TECTA: variants seen among roughly 807,000 people sequenced by gnomAD.
TECTA encodes the protein alpha-tectorin.
In TECTA, 128 loss-of-function variants were observed where a neutral mutation model predicts 216.8. The observed-to-expected ratio is 0.59, with a 90% CI of 0.51 to 0.68. TECTA has a LOEUF of 0.68. TECTA is among the 30% of genes least tolerant of loss of function. The pLI is 0.00. For missense variants in TECTA, 2,551 were observed against 2,786.2 expected (o/e 0.92, Z 1.90); for synonymous variants, 1,089 against 1,117.1 (o/e 0.97, Z 0.50).
chr11:121,119,013 AC>A (rs1203864058), intron 7 of TECTA, among the ~76,000 whole-genome samples: 1 of 89,594 alleles, frequency 1.1e-5, no homozygotes, highest in Non-Finnish European at 3.0e-5. Context: ...ACACACACAC[AC>A]ACACACACAC....
At chr11:121,129,597 T>C in intron 9 of TECTA, 41 bp from the exon 10 acceptor site, 1 of 1,599,826 alleles carries the variant, frequency 6.3e-7, no homozygotes, top group Admixed American at 1.7e-5. Flanking sequence ...GAAAGTGCTC[T>C]GTGTGTCTCT....
At position 121,125,398 on chromosome 11, in the gene TECTA, G is replaced by A; in HGVS notation, c.1300G>A (p.Gly434Arg). ...GISTAVETDF[G>R]LLVTFDGQHY... is the part of the protein sequence containing the mutation. ...ATCTACTGCCGTGGAAACAGATTTTGGGCTCTTAGTGACTTTTGATGGCCA... is the reference window on the plus strand; with the variant it reads ...ATCTACTGCCGTGGAAACAGATTTTAGGCTCTTAGTGACTTTTGATGGCCA... Residue 434 changes from glycine (G) to arginine (R), a missense_variant, in exon 8 of 24, where the codon GGG becomes AGG. Physicochemically the swap from Gly to Arg is moderately radical, Grantham distance 125. Coordinates refer to ENST00000392793, the MANE Select transcript of TECTA (RefSeq NM_005422.4). 1 of 1,614,188 alleles carries A rather than the reference G, an allele frequency of 6.2e-7. No homozygotes were observed. Among genetic ancestry groups the A allele is most frequent in the Non-Finnish European group, 8.5e-7 (1 of 1,180,034 alleles).
At chr11:121,116,593 A>G (rs757103313) in intron 6 of TECTA, among the ~76,000 whole-genome samples, 4 of 152,238 alleles carry the variant, frequency 2.6e-5, no homozygotes, top group Non-Finnish European at 5.9e-5. Flanking sequence ...ATATCCTTAT[A>G]TAGACTGCTA....
intron 7 of TECTA, among the ~76,000 whole-genome samples, chr11:121,122,001 G>A (rs921954576): frequency 1.3e-5 from 2 of 152,136 alleles, no homozygotes; most frequent in Non-Finnish European, 2.9e-5. Flanking sequence ...AGGTCACCTA[G>A]TAAGAGTTGG....
intron 7 of TECTA, 47 bp from the exon 8 acceptor site, chr11:121,125,255 G>A (rs1371272339): frequency 6.3e-7 from 1 of 1,585,688 alleles, no homozygotes; most frequent in Admixed American, 1.7e-5. Flanking sequence ...GGAACCCAGT[G>A]CCTGGGCACC....
intron 20 of TECTA, among the ~76,000 whole-genome samples, chr11:121,179,858 T>C (rs1240534261): frequency 6.6e-6 from 1 of 152,164 alleles, no homozygotes; most frequent in Non-Finnish European, 1.5e-5. Flanking sequence ...CTTTTGGTTT[T>C]GATTGTCACA....
At chr11:121,138,633 A>G (rs531655919) in intron 11 of TECTA, among the ~76,000 whole-genome samples, 62 of 152,096 alleles carry the variant, frequency 4.1e-4, no homozygotes, top group African/African-American at 1.4e-3. Flanking sequence ...CCTCTTTCTA[A>G]GCTTCCCACC....
intron 20 of TECTA, among the ~76,000 whole-genome samples, chr11:121,170,910 GC>G (rs1368864871): frequency 6.6e-6 from 1 of 152,048 alleles, no homozygotes; most frequent in Non-Finnish European, 1.5e-5. Context: ...TGATATCTTT[GC>G]TGTGTAGAGA....
intron 20 of TECTA, among the ~76,000 whole-genome samples, chr11:121,178,993 A>T (rs1383639129): frequency 6.6e-6 from 1 of 152,142 alleles, no homozygotes; most frequent in East Asian, 1.9e-4. Flanking sequence ...CCCTTAAGTT[A>T]GTCTAACTGG....
At chr11:121,108,270 C>T (rs1387906993) in intron 3 of TECTA, among the ~76,000 whole-genome samples, 1 of 151,812 alleles carries the variant, frequency 6.6e-6, no homozygotes, top group South Asian at 2.1e-4. Context: ...TACACGCATG[C>T]CACCCCCAGT....
chr11:121,157,238 C>G (rs1946950527), intron 13 of TECTA, among the ~76,000 whole-genome samples: 2 of 152,172 alleles, frequency 1.3e-5, no homozygotes, highest in Admixed American at 1.3e-4. Context: ...GTTCCTCTAA[C>G]AGCTGCACAT....
rs1946748430 is a variant in TECTA at position 121,137,963 on chromosome 11, G to T, written c.3484G>T (p.Asp1162Tyr). 1 of 1,613,004 alleles carries T rather than the reference G, an allele frequency of 6.2e-7. No homozygotes were observed. The highest frequency in any genetic ancestry group is 1.7e-5 in the Admixed American group (1 of 59,994). The change falls in exon 11 of 24, where the codon GAC becomes TAC. Residue 1162 changes from aspartate (D) to tyrosine (Y), a missense_variant. Physicochemically the swap from Asp to Tyr is radical, Grantham distance 160 (BLOSUM62 -3). This residue lies in a region of TECTA where 2,375 missense variants were observed against 2,563.9 expected (regional missense o/e 0.93). Coordinates refer to ENST00000392793, the MANE Select transcript of TECTA (RefSeq NM_005422.4). ...ACTGGCCTTGTGGGTTAAGCAGGTG[G>T]ACGTGACCGTGTTTGGCTACAGCAT... Reference protein sequence around the residue: ...PSLALWVKQVDVTVFGYSIVI... With the variant: ...PSLALWVKQVYVTVFGYSIVI...
intron 13 of TECTA, 48 bp from the exon 14 acceptor site, chr11:121,157,793 A>G (rs1946956255): frequency 6.2e-7 from 1 of 1,612,150 alleles, no homozygotes; most frequent in Non-Finnish European, 8.5e-7. Context: ...TCGGGTCCCC[A>G]GCCCTGACCA....
intron 20 of TECTA, among the ~76,000 whole-genome samples, chr11:121,181,661 G>C (rs1591470421): frequency 1.3e-5 from 2 of 151,898 alleles, no homozygotes; most frequent in Admixed American, 6.6e-5. Context: ...GTAGAGACAG[G>C]TTTCTCCATG....
chr11:121,166,692 A>G lies in TECTA; in HGVS notation c.5498A>G (p.Asn1833Ser). ...LGFEREGVRI[N>S]DRQCTGIEGE... ...TTTGAGAGGGAGGGCGTGAGGATCA[A>G]TGACAGACAGTGCACCGGCATCGAG... The change falls in exon 18 of 24, where the codon AAT becomes AGT. Residue 1833 changes from asparagine (N) to serine (S), a missense_variant. By Grantham distance (46) the Asn-to-Ser change is conservative (BLOSUM62 1). Around this residue, in one of 3 missense-constraint regions of TECTA, gnomAD observed 2,375 missense variants for 2,563.9 expected, o/e 0.93. Coordinates refer to ENST00000392793, the MANE Select transcript of TECTA (RefSeq NM_005422.4). 3 of 1,614,218 alleles carry G rather than the reference A, an allele frequency of 1.9e-6. No homozygotes were observed. Among genetic ancestry groups the G allele is most frequent in the Non-Finnish European group, 2.5e-6 (3 of 1,180,048 alleles).
intron 11 of TECTA, among the ~76,000 whole-genome samples, chr11:121,139,182 A>C (rs1946759924): frequency 6.6e-6 from 1 of 152,178 alleles, no homozygotes; most frequent in Admixed American, 6.5e-5. Flanking sequence ...CCACAAACCT[A>C]AATCCCAGTT....
intron 12 of TECTA, among the ~76,000 whole-genome samples, chr11:121,148,440 G>A (rs544340176): frequency 6.6e-6 from 1 of 152,222 alleles, no homozygotes; most frequent in Non-Finnish European, 1.5e-5. Flanking sequence ...TGGGGGTCAG[G>A]CTGGGGGAGA....
In TECTA at chr11:121,166,559, G is replaced by C; in HGVS notation, c.5384-19G>C. 6.2e-7 allele frequency: 1 copy of C among 1,613,862 alleles called. No homozygotes were observed. The highest frequency in any genetic ancestry group is 8.5e-7 in the Non-Finnish European group (1 of 1,179,858). On this transcript the variant is annotated intron_variant, in intron 17 of 23. Transcript: ENST00000392793. The stretch of plus-strand genomic sequence containing the variant: ...GACCGACTCCACTGATTTGCCTTTC[G>C]TAATAACTGTTCCCACAGACTCACA...
intron 10 of TECTA, among the ~76,000 whole-genome samples, chr11:121,136,395 C>G (rs1012224664): frequency 1.3e-5 from 2 of 151,892 alleles, no homozygotes; most frequent in Non-Finnish European, 2.9e-5. Flanking sequence ...AAAGGGGCTG[C>G]GGGGTGATGA....
Sources: allele counts gnomAD v4.1 joint callset (sites outside exome capture counted in the v4.1 genomes callset), GRCh38; gene constraint gnomAD v4.1.1; regional missense constraint gnomAD v4.1.1; transcripts MANE v1.5; gene names NCBI Gene and HGNC (gene_info 2026-07-23, HGNC 2026-07-21).